CDC123: variants seen among roughly 807,000 people sequenced by gnomAD.
The protein encoded by CDC123 is translation initiation factor eIF2 assembly protein.
CDC123 carries 37 observed loss-of-function variants against 54.4 expected under a neutral mutation model. The observed-to-expected ratio is 0.68, with a 90% confidence interval of 0.52 to 0.89. CDC123 has a LOEUF of 0.89. CDC123 is among the 40% of genes least tolerant of loss of function. The pLI is 0.00. For missense variants in CDC123, 361 were observed against 412.1 expected, an observed-to-expected ratio of 0.88 and a Z score of 1.07; for synonymous variants, 144 against 136.8, an observed-to-expected ratio of 1.05 and a Z score of -0.37.
At chr10:12,231,138 A>T in intron 7 of CDC123, 142 bp downstream of exon 7, 1 of 657,812 alleles carries the variant, frequency 1.5e-6, no homozygotes, top group Non-Finnish European at 2.6e-6. Context: ...AAATTTATGA[A>T]ATATACACAT....
At chr10:12,224,286 CCTTT>C (rs774193145) in intron 6 of CDC123, among the ~76,000 whole-genome samples, 15 of 148,472 alleles carry the variant, frequency 1.0e-4, no homozygotes, top group Admixed American at 4.7e-4. Flanking sequence ...TTTTTCTTTT[CCTTT>C]CTTTTTTTTT....
At chr10:12,197,225 AC>A (rs1274781801) in intron 1 of CDC123, among the ~76,000 whole-genome samples, 8 of 152,236 alleles carry the variant, frequency 5.3e-5, no homozygotes, top group African/African-American at 1.7e-4. Context: ...CAGCAAATAG[AC>A]ATATTAAGAA....
At chr10:12,206,215 T>C (rs1229349871) in intron 2 of CDC123, among the ~76,000 whole-genome samples, 1 of 152,272 alleles carries the variant, frequency 6.6e-6, no homozygotes, top group African/African-American at 2.4e-5. Flanking sequence ...ATAACAAGTA[T>C]GTTTTTTAAA....
At chr10:12,202,412 T>C (rs1050038184) in intron 2 of CDC123, among the ~76,000 whole-genome samples, 2 of 152,196 alleles carry the variant, frequency 1.3e-5, no homozygotes, top group Non-Finnish European at 2.9e-5. Flanking sequence ...AGAAGACCTC[T>C]GTGACCACAT....
At chr10:12,244,370 T>C (rs1836099885) in intron 10 of CDC123, among the ~76,000 whole-genome samples, 1 of 152,254 alleles carries the variant, frequency 6.6e-6, no homozygotes, top group Non-Finnish European at 1.5e-5. Flanking sequence ...AAGATAAACC[T>C]TTCGAGGAAA....
intron 11 of CDC123, chr10:12,247,673 C>T (rs1448779101): frequency 6.6e-6 from 1 of 152,374 alleles, no homozygotes; most frequent in Admixed American, 6.5e-5. Flanking sequence ...GGTTTCTTCA[C>T]CCAGCCACTC....
Position 12,231,184 on chromosome 10 carries a change from A to C in CDC123, c.489+188A>C, listed in dbSNP as rs545568744. ...ATATTATATATAGAGTGTATATACC[A>C]AATACATGTATGCAGTATACACTTG... On this transcript the variant is annotated intron_variant, in intron 7 of 12. Transcript: ENST00000281141. Among the ~76,000 whole-genome samples, 4 of 152,352 alleles carry C rather than the reference A, an allele frequency of 2.6e-5. No individual in the cohort carries two copies. The South Asian group carries it at 8.3e-4, about 32-fold the overall frequency.
At chr10:12,222,440 A>G (rs569863453) in intron 6 of CDC123, among the ~76,000 whole-genome samples, 77 of 152,316 alleles carry the variant, frequency 5.1e-4, no homozygotes, top group African/African-American at 1.8e-3. Context: ...CAACATGGTG[A>G]AACCCTGACT....
intron 4 of CDC123, among the ~76,000 whole-genome samples, chr10:12,212,147 T>C (rs770453595): frequency 3.9e-5 from 6 of 152,172 alleles, no homozygotes; most frequent in Non-Finnish European, 7.4e-5. Flanking sequence ...ATTAATAATA[T>C]AAAGGTGTGT....
chr10:12,248,511 CA>C (rs529994117), intron 11 of CDC123, among the ~76,000 whole-genome samples: 28 of 116,132 alleles, frequency 2.4e-4, no homozygotes, highest in East Asian at 1.8e-3. Context: ...GACTCCGTCT[CA>C]AAAAAAAAAC....
intron 2 of CDC123, among the ~76,000 whole-genome samples, chr10:12,208,690 A>G (rs1835553263): frequency 6.6e-6 from 1 of 152,122 alleles, no homozygotes; most frequent in African/African-American, 2.4e-5. Context: ...TGGGCATGGA[A>G]AGATAGTGAG....
At chr10:12,230,147 G>A (rs969437915) in intron 6 of CDC123, among the ~76,000 whole-genome samples, 10 of 151,488 alleles carry the variant, frequency 6.6e-5, no homozygotes, top group Non-Finnish European at 1.5e-4. Flanking sequence ...TGGGTACATA[G>A]TAAGTGTATA....
intron 4 of CDC123, among the ~76,000 whole-genome samples, chr10:12,213,105 T>C (rs749435438): frequency 6.6e-6 from 1 of 152,208 alleles, no homozygotes; most frequent in Non-Finnish European, 1.5e-5. Flanking sequence ...TGTAATAATA[T>C]TTGATTGAAT....
chr10:12,229,072 C>T (rs2131751993), intron 6 of CDC123, among the ~76,000 whole-genome samples: 1 of 152,162 alleles, frequency 6.6e-6, no homozygotes, highest in East Asian at 1.9e-4. Context: ...TACGCTTCTC[C>T]TTTCTGTGTC....
chr10:12,224,580 G>C (rs530492467), intron 6 of CDC123, among the ~76,000 whole-genome samples: 6 of 152,098 alleles, frequency 3.9e-5, no homozygotes, highest in African/African-American at 1.2e-4. Context: ...TTGCTAGAGG[G>C]ACTATAATTA....
chr10:12,227,686 T>C (rs1835844686), intron 6 of CDC123, among the ~76,000 whole-genome samples: 1 of 151,914 alleles, frequency 6.6e-6, no homozygotes, highest in East Asian at 1.9e-4. Context: ...TTGGTAGAGA[T>C]GGGGTTTCAT....
chr10:12,224,602 ATTTGAAC>A (rs1835780102), intron 6 of CDC123, among the ~76,000 whole-genome samples: 1 of 152,208 alleles, frequency 6.6e-6, no homozygotes, highest in Non-Finnish European at 1.5e-5. Flanking sequence ...TCTGCCAAGA[ATTTGAAC>A]TTTGAATTCA....
At position 12,203,031 on chromosome 10, in the gene CDC123, A is replaced by G. The variant is rs574008210; in HGVS notation, c.146+4255A>G. Among the ~76,000 whole-genome samples, 12 of 152,356 alleles carry G rather than the reference A, an allele frequency of 7.9e-5. 1 individual carries two copies. The East Asian group carries it at 2.3e-3, about 29-fold the overall frequency. ...CTCCGTCTCAAAAAACCAAACAAAC[A>G]AAAATAAAGGATATTAATAATGGAT... On this transcript the variant is annotated intron_variant, in intron 2 of 12. Coordinates refer to ENST00000281141, the MANE Select transcript of CDC123 (RefSeq NM_006023.3).
rs1336771797 is a variant in CDC123, at chr10:12,246,226, A to G, written c.795A>G (p.Ile265Met). Residue 265 changes from isoleucine (I) to methionine (M), a missense_variant, in exon 11 of 13, where the codon ATA (isoleucine) becomes ATG (methionine). Physicochemically the swap from Ile to Met is conservative, Grantham distance 10 (BLOSUM62 1). Coordinates refer to ENST00000281141, the MANE Select transcript of CDC123 (RefSeq NM_006023.3). Reference sequence around the variant, plus strand: ...TGCTGTTCACCTGGGAAGAACTGATATCTGAGAACAACTTAAACGGCGATT... The same window carrying G: ...TGCTGTTCACCTGGGAAGAACTGATGTCTGAGAACAACTTAAACGGCGATT... Reference protein sequence around the residue: ...DSLLFTWEELISENNLNGDFS... With the variant: ...DSLLFTWEELMSENNLNGDFS... The G allele has an allele frequency of 6.2e-7, 1 of 1,614,196 alleles. No individual in the cohort carries two copies. Among genetic ancestry groups the G allele is most frequent in the East Asian group, 2.2e-5 (1 of 44,890 alleles).
Sources: gnomAD v4.1 joint callset for allele counts (sites outside exome capture counted in the v4.1 genomes callset) on GRCh38, gnomAD v4.1.1 for gene constraint, MANE v1.5 for transcripts, NCBI Gene and HGNC (gene_info 2026-07-23, HGNC 2026-07-21) for gene names.